WWOX: variants seen among roughly 807,000 people sequenced by gnomAD.
WWOX encodes the protein WW domain containing oxidoreductase, also known as WW domain-containing oxidoreductase.
WWOX carries 69 observed loss-of-function variants against 46.2 expected under a neutral mutation model. The observed-to-expected ratio is 1.49, with a 90% CI of 1.23 to 1.82. The LOEUF (loss-of-function observed/expected upper bound fraction) is 1.82, where lower values mean the gene tolerates loss of function less well. WWOX is among the 40% of genes most tolerant of loss of function. The probability of loss-of-function intolerance (pLI) is 0.00; values close to 1 mark genes in which losing one functional copy is unlikely to be tolerated. For missense variants in WWOX, 919 were observed against 542.6 expected (o/e 1.69, Z -6.89); for synonymous variants, 359 against 202.6 (o/e 1.77, Z -6.56).
Position 78,100,079 on chromosome 16 carries a change from C to G in WWOX, c.107+194C>G. 4 of 1,385,284 alleles carry G rather than the reference C, an allele frequency of 2.9e-6. No homozygotes were observed. In the East Asian group the frequency reaches 1.2e-4, roughly 43 times the overall value. The allele number at this position is 1,385,284 out of a possible 1,614,324, so 85.8% of individuals were successfully genotyped here. A position where few individuals can be genotyped will look rare whatever the true frequency, so the allele number is the denominator to read the frequency against. ...CCCCCTTGGTGGGCCTCGGGTCCAG[C>G]GGGGGTCACCTGGTGGCTTCCCGGC... On this transcript the variant is annotated intron_variant, in intron 1 of 8. Transcript: ENST00000566780.
rs1026507763 is a variant in WWOX at position 78,911,881 on chromosome 16, A to G, written c.1057-299727A>G. Among the ~76,000 whole-genome samples, 9 of 151,976 alleles carry G rather than the reference A, an allele frequency of 5.9e-5. No homozygotes were observed. The South Asian group carries it at 8.3e-4, about 14-fold the overall frequency. ...ACTCCATCTCAAAAAGAAAAACTCA[A>G]CGAAACACCCCAGCTTCTATCATTC... On this transcript the variant is annotated intron_variant, in intron 8 of 8. Transcript: ENST00000566780.
At chr16:78,367,633 C>T (rs1404869174) in intron 5 of WWOX, among the ~76,000 whole-genome samples, 1 of 152,098 alleles carries the variant, frequency 6.6e-6, no homozygotes, top group Admixed American at 6.6e-5. Context: ...ATCTCCTGGG[C>T]TCAGGGATAA....
intron 8 of WWOX, among the ~76,000 whole-genome samples, chr16:78,595,253 G>A (rs2045460196): frequency 6.6e-6 from 1 of 152,038 alleles, no homozygotes. Flanking sequence ...CGTGGGACTA[G>A]GGAAGTGGCA....
At chr16:79,063,462 G>C (rs1001419128) in intron 8 of WWOX, among the ~76,000 whole-genome samples, 5 of 152,188 alleles carry the variant, frequency 3.3e-5, no homozygotes, top group African/African-American at 1.2e-4. Flanking sequence ...TCTGCTATAG[G>C]AGGGACAAAA....
rs375426481 is a variant in WWOX, at chr16:78,756,649, TC to T, written c.1056+323899del. Among the ~76,000 whole-genome samples, 66 of 152,324 alleles carry T rather than the reference TC, an allele frequency of 4.3e-4. No homozygotes were observed. The South Asian group carries it at 0.012, about 28-fold the overall frequency. On this transcript the variant is annotated intron_variant, in intron 8 of 8. Transcript: ENST00000566780. ...TGGGTAAATTCTAGCATTTTTACACTCCTTTGTTTCACCCTGTTTGTTCATT... is the reference window on the plus strand; with the variant it reads ...TGGGTAAATTCTAGCATTTTTACACTCTTTGTTTCACCCTGTTTGTTCATT...
intron 5 of WWOX, among the ~76,000 whole-genome samples, chr16:78,192,561 A>G (rs1221439341): frequency 2.0e-5 from 3 of 152,148 alleles, no homozygotes. Flanking sequence ...TGTTGAGGAA[A>G]TACGTGAACA....
At position 78,133,993 on chromosome 16, in the gene WWOX, A is replaced by G. The variant is rs28613339; in HGVS notation, c.409+18839A>G. Among the ~76,000 whole-genome samples, 776 of 152,344 alleles carry G rather than the reference A, an allele frequency of 5.1e-3. 7 individuals are homozygous for G. Among genetic ancestry groups the G allele is most frequent in the African/African-American group, 0.018 (746 of 41,568 alleles). ...GCCTCTTGCACAGGTATTATCCCTAAGATGTGTTTTCTTCAATGTACCTAG... is the reference window on the plus strand; with the variant it reads ...GCCTCTTGCACAGGTATTATCCCTAGGATGTGTTTTCTTCAATGTACCTAG... On this transcript the variant is annotated intron_variant, in intron 4 of 8. Transcript: ENST00000566780.
chr16:78,903,831 T>C (rs1453365161), intron 8 of WWOX, among the ~76,000 whole-genome samples: 4 of 152,200 alleles, frequency 2.6e-5, no homozygotes, highest in African/African-American at 7.2e-5. Context: ...ACATAATTCA[T>C]AAAGGAACAT....
At chr16:78,128,455 A>C (rs891834280) in intron 4 of WWOX, among the ~76,000 whole-genome samples, 1 of 152,222 alleles carries the variant, frequency 6.6e-6, no homozygotes, top group East Asian at 1.9e-4. Flanking sequence ...TTGAGATTAC[A>C]CAGGTGGAAA....
At chr16:78,736,897 A>C (rs28670522) in intron 8 of WWOX, among the ~76,000 whole-genome samples, 22,895 of 151,660 alleles carry the variant, frequency 0.15, 2,098 homozygotes, top group African/African-American at 0.25. Context: ...GCATGAGGCA[A>C]TGTGCCCGGC....
chr16:78,288,507 T>A (rs1369983268), intron 5 of WWOX, among the ~76,000 whole-genome samples: 1 of 151,728 alleles, frequency 6.6e-6, no homozygotes, highest in African/African-American at 2.4e-5. Context: ...CCCAATGCAG[T>A]GTTTTCCCTG....
intron 8 of WWOX, among the ~76,000 whole-genome samples, chr16:78,474,492 C>T (rs2084309792): frequency 6.6e-6 from 1 of 152,170 alleles, no homozygotes; most frequent in South Asian, 2.1e-4. Context: ...ATCGTGGTTC[C>T]CTTTTAGATT....
At chr16:78,721,908 C>G (rs531377235) in intron 8 of WWOX, among the ~76,000 whole-genome samples, 2 of 152,360 alleles carry the variant, frequency 1.3e-5, no homozygotes, top group East Asian at 1.9e-4. Context: ...ATGTCACAAT[C>G]TCAGGAAACC....
chr16:78,505,592 G>T (rs1421716010), intron 8 of WWOX, among the ~76,000 whole-genome samples: 1 of 152,062 alleles, frequency 6.6e-6, no homozygotes, highest in Admixed American at 6.5e-5. Context: ...TACCTCTTGG[G>T]GCCAGCCAGC....
intron 8 of WWOX, among the ~76,000 whole-genome samples, chr16:78,528,115 C>T (rs9927678): frequency 0.49 from 68,791 of 140,178 alleles, 19,829 homozygotes; most frequent in Admixed American, 0.64. Context: ...TCTCCTGCCT[C>T]AGCCTCCCGA....
At chr16:79,022,415 T>C (rs1252254400) in intron 8 of WWOX, among the ~76,000 whole-genome samples, 1 of 150,550 alleles carries the variant, frequency 6.6e-6, no homozygotes, top group African/African-American at 2.5e-5. Context: ...TTCTTGGACA[T>C]GCCCCAGTCG....
At chr16:79,144,880 C>T (rs567246710) in intron 8 of WWOX, among the ~76,000 whole-genome samples, 1 of 152,240 alleles carries the variant, frequency 6.6e-6, no homozygotes, top group Admixed American at 6.5e-5. Context: ...TGTTGCTCAT[C>T]TCTTACTGTG....
At chr16:78,616,733 T>A (rs1437850424) in intron 8 of WWOX, among the ~76,000 whole-genome samples, 2 of 151,752 alleles carry the variant, frequency 1.3e-5, no homozygotes, top group Non-Finnish European at 2.9e-5. Context: ...GCCACTGCAC[T>A]CCTGTCTGGG....
chr16:78,931,012 C>G (rs1050677911), intron 8 of WWOX, among the ~76,000 whole-genome samples: 2 of 152,182 alleles, frequency 1.3e-5, no homozygotes, highest in African/African-American at 2.4e-5. Context: ...ATAGCAATAT[C>G]TATCTCCTAC....
Sources: gnomAD v4.1 joint callset for allele counts (sites outside exome capture counted in the v4.1 genomes callset) on GRCh38, gnomAD v4.1.1 for gene constraint, MANE v1.5 for transcripts, NCBI Gene and HGNC (gene_info 2026-07-23, HGNC 2026-07-21) for gene names.